The following CCNDBP1 variants were observed in gnomAD, a reference collection of about 807,000 sequenced individuals.
CCNDBP1 encodes cyclin-D1-binding protein 1.
CCNDBP1 carries 45 observed loss-of-function variants against 46.2 expected under a neutral mutation model. The ratio of observed to expected loss-of-function variants is 0.97; its 90% CI spans 0.77 to 1.25. The LOEUF (loss-of-function observed/expected upper bound fraction) is 1.25, where lower values mean the gene tolerates loss of function less well. CCNDBP1 is among the 50% of genes most tolerant of loss of function. The pLI, the probability that CCNDBP1 is intolerant of heterozygous loss-of-function variation, is 0.00. For missense variants in CCNDBP1, 436 were observed against 442.1 expected (o/e 0.99, Z 0.12); for synonymous variants, 154 against 163.6 (o/e 0.94, Z 0.45).
In CCNDBP1 at chr15:43,197,154, AT is replaced by A; in HGVS notation, c.*2314del. On this transcript the variant is annotated 3_prime_UTR_variant, in exon 11 of 11. Transcript: ENST00000300213. Reference sequence around the variant, plus strand: ...TACAGCCTGCAGAGCCGTGAGCCAAATAAAGCTCTTTTCTTTTAAACTACCC... The same window carrying A: ...TACAGCCTGCAGAGCCGTGAGCCAAAAAAGCTCTTTTCTTTTAAACTACCC... The A allele has an allele frequency of 8.7e-7, 1 of 1,146,562 alleles. No homozygotes were observed. The highest frequency in any genetic ancestry group is 1.3e-6 in the Non-Finnish European group (1 of 785,236). The allele number at this position is 1,146,562 out of a possible 1,614,324, so 71.0% of individuals were successfully genotyped here.
chr15:43,197,051 C>T lies in CCNDBP1; in HGVS notation c.*2210C>T, dbSNP rs2042047060. 4.0e-6 allele frequency: 2 copies of T among 504,632 alleles called. No homozygotes were observed. The highest frequency in any genetic ancestry group is 3.2e-5 in the Admixed American group (1 of 31,558). 31.3% of individuals were successfully genotyped at this position (504,632 alleles called of 1,614,324 possible). A position where few individuals can be genotyped will look rare whatever the true frequency, so the allele number is the denominator to read the frequency against. On this transcript the variant is annotated 3_prime_UTR_variant, in exon 11 of 11. Coordinates refer to ENST00000300213, the MANE Select transcript of CCNDBP1 (RefSeq NM_012142.5). ...CCCCTACCCCTCAACCCATTCTTGCCCTGTGATCTCTGCTCACGTTGCCTC... is the reference window on the plus strand; with the variant it reads ...CCCCTACCCCTCAACCCATTCTTGCTCTGTGATCTCTGCTCACGTTGCCTC...
intron 9 of CCNDBP1, 146 bp downstream of exon 9, chr15:43,192,949 T>C: frequency 1.4e-6 from 1 of 704,850 alleles, no homozygotes; most frequent in Admixed American, 2.4e-5. Context: ...CTTGCATGCG[T>C]TTGGGGTTGA....
At chr15:43,190,543 G>T in intron 6 of CCNDBP1, 145 bp downstream of exon 6, 1 of 616,830 alleles carries the variant, frequency 1.6e-6, no homozygotes, top group Non-Finnish European at 2.8e-6. Context: ...TAATAGGTAG[G>T]TATTAATACT....
At chr15:43,189,987 GA>G in intron 4 of CCNDBP1, 67 bp from the exon 5 acceptor site, 2 of 1,342,960 alleles carry the variant, frequency 1.5e-6, no homozygotes. Context: ...GTAATGCTTA[GA>G]CTCAGGAAAG....
chr15:43,194,484 T>G (rs1217103271), intron 10 of CCNDBP1, 23 bp downstream of exon 10: 5 of 1,585,582 alleles, frequency 3.2e-6, no homozygotes, highest in Non-Finnish European at 4.3e-6. Context: ...ACTTCTCAGA[T>G]AGCTTTTTGT....
chr15:43,191,453 C>CT lies in CCNDBP1; in HGVS notation c.639dup (p.Asp214Ter). On this transcript the variant is annotated frameshift_variant, in exon 8 of 11. Coordinates refer to ENST00000300213, the MANE Select transcript of CCNDBP1 (RefSeq NM_012142.5). LOFTEE classifies it high-confidence loss of function. ...TTGAATGATACTGAGGAGAACAACT[C>CT]TGACAACCACAATCATGAGGATGAT... 1 of 1,584,406 alleles carries CT rather than the reference C, an allele frequency of 6.3e-7. No homozygotes were observed. The highest frequency in any genetic ancestry group is 1.1e-5 in the South Asian group (1 of 90,424).
chr15:43,189,989 C>T (rs1596391476), intron 4 of CCNDBP1, 66 bp from the exon 5 acceptor site: 3 of 1,366,362 alleles, frequency 2.2e-6, no homozygotes. Context: ...AATGCTTAGA[C>T]TCAGGAAAGC....
chr15:43,189,951 G>A (rs778621271), intron 4 of CCNDBP1, 104 bp from the exon 5 acceptor site: 27 of 912,048 alleles, frequency 3.0e-5, no homozygotes, highest in Non-Finnish European at 4.1e-5. Flanking sequence ...GTTAAAGCAT[G>A]TGGGTGTACA....
In CCNDBP1 at chr15:43,189,068, ACT is replaced by A. The variant is rs1369142215; in HGVS notation, c.250-128_250-127del. 337 of 430,356 alleles carry A rather than the reference ACT, an allele frequency of 7.8e-4. 8 individuals carry two copies. The highest frequency in any genetic ancestry group is 1.5e-4 in the Non-Finnish European group (39 of 262,080). The allele number at this position is 430,356 out of a possible 1,614,324, so 26.7% of individuals were successfully genotyped here. A position where few individuals can be genotyped will look rare whatever the true frequency, so the allele number is the denominator to read the frequency against. On this transcript the variant is annotated intron_variant, in intron 3 of 10. Coordinates refer to ENST00000300213, the MANE Select transcript of CCNDBP1 (RefSeq NM_012142.5). Reference sequence around the variant, plus strand: ...ACTCCAGCCTGGGTGACAGAGTGAGACTCTGTCTCAAAAAAAAAAAAAAAAAA... The same window carrying A: ...ACTCCAGCCTGGGTGACAGAGTGAGACTGTCTCAAAAAAAAAAAAAAAAAA...
At chr15:43,189,361 C>A in intron 4 of CCNDBP1, 81 bp downstream of exon 4, 1 of 748,904 alleles carries the variant, frequency 1.3e-6, no homozygotes. Context: ...TACCTTTACC[C>A]AACTTGAACA....
In CCNDBP1 at chr15:43,189,230, C is replaced by T; in HGVS notation, c.281C>T (p.Ala94Val). 1.2e-6 allele frequency: 2 copies of T among 1,612,470 alleles called. No individual in the cohort carries two copies. The highest frequency in any genetic ancestry group is 1.7e-5 in the Admixed American group (1 of 59,740). The change falls in exon 4 of 11, where the codon GCT (alanine) becomes GTT (valine). Residue 94 changes from alanine to valine, a missense_variant. Transcript: ENST00000300213. The stretch of plus-strand genomic sequence containing the variant: ...CAGAAGTTCTGTGAACAAGTCCATG[C>T]TGCCATCAAGGCATTTATTGCAGTG... ...ETQKFCEQVHAAIKAFIAVYY... is the reference protein window; with the variant it reads ...ETQKFCEQVHVAIKAFIAVYY...
chr15:43,190,422 C>T, intron 6 of CCNDBP1, 24 bp downstream of exon 6: 1 of 1,604,990 alleles, frequency 6.2e-7, no homozygotes, highest in East Asian at 2.2e-5. Context: ...GGCAGTGGGC[C>T]ATGTCTGCTG....
chr15:43,194,154 T>C (rs964944211), intron 9 of CCNDBP1: 1 of 409,342 alleles, frequency 2.4e-6, no homozygotes, highest in Non-Finnish European at 4.4e-6. Flanking sequence ...TTTTCCTTTT[T>C]CTGTCCTTTT....
intron 5 of CCNDBP1, 70 bp downstream of exon 5, chr15:43,190,221 A>G (rs1386668673): frequency 1.3e-6 from 2 of 1,590,934 alleles, no homozygotes; most frequent in East Asian, 4.5e-5. Flanking sequence ...GCTCATTTTA[A>G]CAGCAAAGTT....
chr15:43,193,082 C>A, intron 9 of CCNDBP1: 1 of 408,472 alleles, frequency 2.4e-6, no homozygotes, highest in Non-Finnish European at 4.5e-6. Context: ...TAAGGCTGGG[C>A]GCGGTAGCTC....
chr15:43,185,696 C>T lies in CCNDBP1; in HGVS notation c.109+89C>T, dbSNP rs1170064653. On this transcript the variant is annotated intron_variant, in intron 1 of 10. Transcript: ENST00000300213. The stretch of plus-strand genomic sequence containing the variant: ...CTCGGGGTCGGGGAGAGGCCGGGCT[C>T]GGGGTCGCGGAGAGGGCGGGCTGGG... 23 of 443,118 alleles carry T rather than the reference C, an allele frequency of 5.2e-5. No individual in the cohort carries two copies. The Admixed American group carries it at 6.8e-4, about 13-fold the overall frequency. 27.4% of individuals were successfully genotyped at this position (443,118 alleles called of 1,614,324 possible).
intron 8 of CCNDBP1, 32 bp from the exon 9 acceptor site, chr15:43,192,711 T>G (rs574382235): frequency 6.2e-5 from 99 of 1,609,126 alleles, no homozygotes; most frequent in Non-Finnish European, 7.8e-5. Flanking sequence ...TGCGTTTTTT[T>G]GTTAATGATT....
Position 43,194,857 on chromosome 15 carries a change from T to C in CCNDBP1, c.*16T>C. The stretch of plus-strand genomic sequence containing the variant: ...TGAATTATGACTTTTCAGGCTCATT[T>C]GTACTCTCTTCCCCTCTCATCGTCA... On this transcript the variant is annotated 3_prime_UTR_variant, in exon 11 of 11. Coordinates refer to ENST00000300213, the MANE Select transcript of CCNDBP1 (RefSeq NM_012142.5). 1 of 1,462,502 alleles carries C rather than the reference T, an allele frequency of 6.8e-7. No homozygotes were observed. The highest frequency in any genetic ancestry group is 1.1e-5 in the South Asian group (1 of 87,968). The allele number at this position is 1,462,502 out of a possible 1,614,324, so 90.6% of individuals were successfully genotyped here.
chr15:43,186,342 T>A, intron 3 of CCNDBP1, 109 bp downstream of exon 3: 1 of 867,430 alleles, frequency 1.2e-6, no homozygotes, highest in Non-Finnish European at 1.8e-6. Context: ...TTTCTTCATC[T>A]GTCCAGTGAG....
Sources: allele counts gnomAD v4.1 joint callset, GRCh38; gene constraint gnomAD v4.1.1; transcripts MANE v1.5; gene names NCBI Gene and HGNC (gene_info 2026-07-23, HGNC 2026-07-21).